SNX30: variants seen among roughly 807,000 people sequenced by gnomAD.
SNX30 encodes sorting nexin-30.
In SNX30, 24 loss-of-function variants were observed where a neutral mutation model predicts 46.4. That is an observed-to-expected ratio of 0.52 (90% CI 0.37 to 0.73). The LOEUF is 0.73. Among genes scored for constraint, SNX30 ranks in the 30% least tolerant of loss-of-function variants. The probability of loss-of-function intolerance (pLI) is 0.00; values close to 1 mark genes in which losing one functional copy is unlikely to be tolerated. For missense variants in SNX30, 533 were observed against 555.7 expected, an observed-to-expected ratio of 0.96 and a Z score of 0.41; for synonymous variants, 189 against 211.5, an observed-to-expected ratio of 0.89 and a Z score of 0.92.
intron 1 of SNX30, among the ~76,000 whole-genome samples, chr9:112,783,016 G>T (rs1325029988): frequency 6.6e-6 from 1 of 152,226 alleles, no homozygotes; most frequent in Non-Finnish European, 1.5e-5. Context: ...CAGCTCCCTT[G>T]AGAAGAGAAG....
At chr9:112,840,024 G>C (rs375499941) in intron 6 of SNX30, among the ~76,000 whole-genome samples, 2 of 152,342 alleles carry the variant, frequency 1.3e-5, no homozygotes, top group Admixed American at 1.3e-4. Context: ...TCCTTGTTCC[G>C]TCTTGTCCCA....
intron 2 of SNX30, among the ~76,000 whole-genome samples, chr9:112,812,343 C>T (rs1249664635): frequency 6.6e-6 from 1 of 152,102 alleles, no homozygotes; most frequent in Non-Finnish European, 1.5e-5. Context: ...GCAACCTCCG[C>T]CTCCCAGATT....
chr9:112,762,323 T>TGCAGGCGC (rs765981481), intron 1 of SNX30, among the ~76,000 whole-genome samples: 12 of 151,810 alleles, frequency 7.9e-5, no homozygotes, highest in Non-Finnish European at 1.5e-5. Context: ...ACACAGCGTG[T>TGCAGGCGC]TTGGGTGGCC....
At position 112,868,997 on chromosome 9, in the gene SNX30, A is replaced by G. The variant is rs1841404271; in HGVS notation, c.*154A>G. 2 of 713,630 alleles carry G rather than the reference A, an allele frequency of 2.8e-6. No homozygotes were observed. Among genetic ancestry groups the G allele is most frequent in the Admixed American group, 4.6e-5 (2 of 43,356 alleles). 44.2% of individuals were successfully genotyped at this position (713,630 alleles called of 1,614,324 possible). On this transcript the variant is annotated 3_prime_UTR_variant, in exon 9 of 9. Transcript: ENST00000374232. ...TTCCCTCCCCCACCTTTCACCCCAC[A>G]GTGGTTTTCAATTAGTATTTATTCC...
chr9:112,754,633 T>C (rs1486783461), intron 1 of SNX30, among the ~76,000 whole-genome samples: 1 of 152,188 alleles, frequency 6.6e-6, no homozygotes, highest in African/African-American at 2.4e-5. Context: ...CTCGAACTTC[T>C]GACCTCAGAT....
At chr9:112,846,543 GA>G (rs2131472782) in intron 6 of SNX30, among the ~76,000 whole-genome samples, 1 of 152,328 alleles carries the variant, frequency 6.6e-6, no homozygotes, top group South Asian at 2.1e-4. Flanking sequence ...CTGCCTGCAG[GA>G]AAGTGCCCTT....
intron 1 of SNX30, among the ~76,000 whole-genome samples, chr9:112,798,015 G>C (rs975742911): frequency 1.3e-5 from 2 of 150,930 alleles, no homozygotes; most frequent in Admixed American, 6.6e-5. Flanking sequence ...CGCCCAGCCA[G>C]GTTTCTTAAT....
At chr9:112,798,270 C>T (rs1181641708) in intron 1 of SNX30, among the ~76,000 whole-genome samples, 26 of 68,020 alleles carry the variant, frequency 3.8e-4, no homozygotes, top group African/African-American at 1.3e-3. Context: ...CAATGCTATC[C>T]CTCCCCCCTC....
chr9:112,883,537 TAAAG>T (rs1351994777), downstream of SNX30, among the ~76,000 whole-genome samples: 1 of 151,854 alleles, frequency 6.6e-6, no homozygotes, highest in East Asian at 1.9e-4. Context: ...AAATATGAAA[TAAAG>T]TAGTGCCTGG....
At position 112,870,170 on chromosome 9, in the gene SNX30, C is replaced by G. The variant is rs1197834111; in HGVS notation, c.*1327C>G. On this transcript the variant is annotated 3_prime_UTR_variant, in exon 9 of 9. Transcript: ENST00000374232. ...GTCACCAAGGATCTGTCTTCCAACT[C>G]TTTTTTTTTTCTGCTGAAATGAAGC... is the stretch of plus-strand genomic sequence containing the variant. The G allele has an allele frequency of 1.3e-5, 2 of 149,912 alleles. No individual in the cohort carries two copies. Among genetic ancestry groups the G allele is most frequent in the African/African-American group, 4.9e-5 (2 of 40,776 alleles). 9.3% of individuals were successfully genotyped at this position (149,912 alleles called of 1,614,324 possible).
intron 1 of SNX30, among the ~76,000 whole-genome samples, chr9:112,768,547 C>T (rs1839583429): frequency 6.6e-6 from 1 of 151,034 alleles, no homozygotes; most frequent in African/African-American, 2.4e-5. Context: ...TTAGACAATA[C>T]TGATGCCTGG....
chr9:112,796,313 C>T (rs1014399381), intron 1 of SNX30, among the ~76,000 whole-genome samples: 1 of 152,214 alleles, frequency 6.6e-6, no homozygotes, highest in Non-Finnish European at 1.5e-5. Context: ...AGCATGGCAT[C>T]CTGCCTGAGG....
At chr9:112,782,171 A>G (rs1839856919) in intron 1 of SNX30, among the ~76,000 whole-genome samples, 1 of 152,000 alleles carries the variant, frequency 6.6e-6, no homozygotes. Context: ...GGTTCAAGAG[A>G]TTCTCCTGCC....
At chr9:112,854,234 C>G (rs1304027666) in intron 7 of SNX30, among the ~76,000 whole-genome samples, 1 of 152,228 alleles carries the variant, frequency 6.6e-6, no homozygotes. Flanking sequence ...GGAGCAGTCT[C>G]GAGCAGAGGG....
Position 112,843,626 on chromosome 9 carries a change from C to CTTTTTT in SNX30, c.1014+4943_1014+4948dup, listed in dbSNP as rs35950913. On this transcript the variant is annotated intron_variant, in intron 6 of 8. Coordinates refer to ENST00000374232, the MANE Select transcript of SNX30 (RefSeq NM_001012994.2). ...AGGTAGGAGCCTGGTCCTGCAGTAGCTTTTTTTTTTTTTTTTTTTAGACAG... is the reference window on the plus strand; with the variant it reads ...AGGTAGGAGCCTGGTCCTGCAGTAGCTTTTTTTTTTTTTTTTTTTTTTTTTAGACAG... Among the ~76,000 whole-genome samples, 74 of 105,192 alleles carry CTTTTTT rather than the reference C, an allele frequency of 7.0e-4. 4 individuals are homozygous for CTTTTTT. The highest frequency in any genetic ancestry group is 8.7e-4 in the Non-Finnish European group (48 of 55,086). The allele number at this position is 105,192 out of a possible 152,430, so 69.0% of individuals were successfully genotyped here. A position where few individuals can be genotyped will look rare whatever the true frequency, so the allele number is the denominator to read the frequency against.
At chr9:112,751,288 G>A in intron 1 of SNX30, 131 bp downstream of exon 1, 1 of 1,158,808 alleles carries the variant, frequency 8.6e-7, no homozygotes, top group Non-Finnish European at 1.1e-6. Flanking sequence ...GGCGTGTCCT[G>A]GCCCCGGAGC....
intron 4 of SNX30, among the ~76,000 whole-genome samples, chr9:112,831,738 A>T (rs4978505): frequency 6.6e-6 from 1 of 152,118 alleles, no homozygotes; most frequent in Non-Finnish European, 1.5e-5. Flanking sequence ...CAGTTGCCAG[A>T]TTCTGTGTAT....
chr9:112,811,365 A>G (rs998578088), intron 2 of SNX30, among the ~76,000 whole-genome samples: 3 of 152,146 alleles, frequency 2.0e-5, no homozygotes, highest in Non-Finnish European at 2.9e-5. Context: ...GAGTGACTCA[A>G]TTGTAAATTT....
chr9:112,761,351 T>G (rs533519612), intron 1 of SNX30, among the ~76,000 whole-genome samples: 6 of 151,986 alleles, frequency 3.9e-5, no homozygotes, highest in Admixed American at 3.9e-4. Flanking sequence ...TTAGTAGAGA[T>G]GGGGTTTCAC....
Sources: gnomAD v4.1 joint callset for allele counts (sites outside exome capture counted in the v4.1 genomes callset) on GRCh38, gnomAD v4.1.1 for gene constraint, MANE v1.5 for transcripts, NCBI Gene and HGNC (gene_info 2026-07-23, HGNC 2026-07-21) for gene names.